DLG2: variants seen among roughly 807,000 people sequenced by gnomAD.
DLG2 encodes discs large MAGUK scaffold protein 2.
In DLG2, 45 loss-of-function variants were observed where a neutral mutation model predicts 132.5. The ratio of observed to expected loss-of-function variants is 0.34; its 90% confidence interval spans 0.27 to 0.44. DLG2 has a LOEUF of 0.44. Among genes scored for constraint, DLG2 ranks in the 20% least tolerant of loss-of-function variants. The pLI is 1.00. For synonymous variants in DLG2, 424 were observed against 419.6 expected, an observed-to-expected ratio of 1.01 and a Z score of -0.13; for missense variants, 1,045 against 1,196.9, an observed-to-expected ratio of 0.87 and a Z score of 1.87.
intron 2 of DLG2, among the ~76,000 whole-genome samples, chr11:85,612,286 A>G (rs542623730): frequency 3.7e-4 from 57 of 152,240 alleles, no homozygotes; most frequent in Non-Finnish European, 6.3e-4. Flanking sequence ...AGGTTTCCCA[A>G]CAAGGGATCT....
intron 6 of DLG2, among the ~76,000 whole-genome samples, chr11:84,628,252 C>T (rs1295769947): frequency 1.3e-5 from 2 of 152,076 alleles, no homozygotes; most frequent in Non-Finnish European, 2.9e-5. Context: ...TTCTCTCTAT[C>T]CTCCTCCTTT....
At chr11:83,984,297 C>T (rs369168139) in intron 11 of DLG2, among the ~76,000 whole-genome samples, 2 of 151,766 alleles carry the variant, frequency 1.3e-5, no homozygotes, top group East Asian at 3.8e-4. Flanking sequence ...ACTAGTGACT[C>T]TATTCAAGGT....
At chr11:83,939,707 C>T (rs975489981) in intron 14 of DLG2, among the ~76,000 whole-genome samples, 2 of 152,198 alleles carry the variant, frequency 1.3e-5, no homozygotes, top group African/African-American at 4.8e-5. Context: ...ATTCACACCC[C>T]CCACAAGAAT....
chr11:85,314,429 G>A (rs2080513471), intron 3 of DLG2, among the ~76,000 whole-genome samples: 1 of 151,646 alleles, frequency 6.6e-6, no homozygotes, highest in South Asian at 2.1e-4. Flanking sequence ...ATATCTATAT[G>A]TATATATATT....
chr11:84,613,950 G>A (rs992746024), intron 6 of DLG2, among the ~76,000 whole-genome samples: 1 of 152,160 alleles, frequency 6.6e-6, no homozygotes, highest in African/African-American at 2.4e-5. Context: ...TATTTGTAAA[G>A]TGGGACCTTG....
At position 84,313,480 on chromosome 11, in the gene DLG2, T is replaced by C. The variant is rs189618702; in HGVS notation, c.520-62189A>G. Among the ~76,000 whole-genome samples the C allele has an allele frequency of 4.9e-4, 63 of 128,178 alleles. 1 individual carries two copies. The highest frequency in any genetic ancestry group is 1.9e-3 in the Admixed American group (20 of 10,314). The allele number at this position is 128,178 out of a possible 152,430, so 84.1% of individuals were successfully genotyped here. A position where few individuals can be genotyped will look rare whatever the true frequency, so the allele number is the denominator to read the frequency against. ...TACATAGTAGGCATTCAGTACATGA[T>C]AGTCAAAGAAAGAAAGAAAGAAAGA... On this transcript the variant is annotated intron_variant, in intron 7 of 27. Transcript: ENST00000376104.
chr11:85,591,323 C>CATTTTAAAAGCATAA (rs1404436282), intron 3 of DLG2, among the ~76,000 whole-genome samples: 1 of 152,242 alleles, frequency 6.6e-6, no homozygotes, highest in Non-Finnish European at 1.5e-5. Context: ...TCCTAGAAGA[C>CATTTTAAAAGCATAA]ATTTTAAAAG....
chr11:85,430,567 T>C (rs992319336), intron 3 of DLG2, among the ~76,000 whole-genome samples: 3 of 152,158 alleles, frequency 2.0e-5, no homozygotes, highest in African/African-American at 7.2e-5. Context: ...TGATATCTTA[T>C]GAGCTAAAAT....
At chr11:83,991,669 C>A (rs765055207) in intron 11 of DLG2, among the ~76,000 whole-genome samples, 3 of 152,016 alleles carry the variant, frequency 2.0e-5, no homozygotes, top group Non-Finnish European at 4.4e-5. Context: ...ACCATAATAA[C>A]TGAAGTTTTT....
At chr11:83,586,743 A>C (rs1200732082) in intron 19 of DLG2, among the ~76,000 whole-genome samples, 3 of 152,192 alleles carry the variant, frequency 2.0e-5, no homozygotes, top group Non-Finnish European at 4.4e-5. Context: ...AGAAGTTAAA[A>C]ACCAGCTTGC....
chr11:84,914,563 G>C (rs1171035147), intron 6 of DLG2, among the ~76,000 whole-genome samples: 1 of 152,192 alleles, frequency 6.6e-6, no homozygotes, highest in African/African-American at 2.4e-5. Flanking sequence ...AGGCCCATAA[G>C]AATTCTTCTG....
At chr11:83,580,175 C>G (rs959100181) in intron 19 of DLG2, among the ~76,000 whole-genome samples, 4 of 151,890 alleles carry the variant, frequency 2.6e-5, no homozygotes, top group Admixed American at 6.6e-5. Flanking sequence ...TGTGCCATTA[C>G]TAATAGAAAT....
At chr11:83,866,578 G>A (rs141223424) in intron 16 of DLG2, among the ~76,000 whole-genome samples, 44 of 152,160 alleles carry the variant, frequency 2.9e-4, no homozygotes, top group Admixed American at 1.3e-3. Context: ...TCTGCAGCAC[G>A]CTGTTTTGGA....
chr11:83,978,171 GTT>G (rs761888785), intron 12 of DLG2, among the ~76,000 whole-genome samples: 2 of 142,734 alleles, frequency 1.4e-5, no homozygotes, highest in Non-Finnish European at 1.5e-5. Context: ...TTTGGAGCAA[GTT>G]TTTTTTTTTT....
At chr11:84,151,918 T>C (rs2095304642) in intron 9 of DLG2, among the ~76,000 whole-genome samples, 1 of 152,216 alleles carries the variant, frequency 6.6e-6, no homozygotes. Flanking sequence ...ATGTTTGGTA[T>C]GATTTTTATT....
At chr11:84,676,117 C>T (rs1171940661) in intron 6 of DLG2, among the ~76,000 whole-genome samples, 6 of 152,066 alleles carry the variant, frequency 3.9e-5, no homozygotes, top group Non-Finnish European at 8.8e-5. Context: ...TGCTTCTCAA[C>T]TGATACAGTT....
intron 6 of DLG2, among the ~76,000 whole-genome samples, chr11:85,048,557 T>C (rs1368315797): frequency 6.6e-6 from 1 of 152,016 alleles, no homozygotes. Flanking sequence ...ATATTGATTA[T>C]GTATCCATTT....
chr11:84,993,740 A>T (rs974014604), intron 6 of DLG2, among the ~76,000 whole-genome samples: 2 of 152,228 alleles, frequency 1.3e-5, no homozygotes, highest in Non-Finnish European at 2.9e-5. Context: ...GTCTTACAGA[A>T]TAAATGCGAG....
At chr11:84,197,916 G>C (rs1341043087) in intron 8 of DLG2, among the ~76,000 whole-genome samples, 1 of 152,110 alleles carries the variant, frequency 6.6e-6, no homozygotes, top group African/African-American at 2.4e-5. Flanking sequence ...AGGATTTAGA[G>C]GGATGGCTTC....
Sources: allele counts gnomAD v4.1 joint callset (sites outside exome capture counted in the v4.1 genomes callset), GRCh38; gene constraint gnomAD v4.1.1; transcripts MANE v1.5; gene names NCBI Gene and HGNC (gene_info 2026-07-23, HGNC 2026-07-21).